Variants in SYT1 observed in about 807,000 individuals in gnomAD.
SYT1 encodes the protein synaptotagmin 1.
A neutral mutation model predicts 44.8 loss-of-function variants in SYT1; 8 were observed. The ratio of observed to expected loss-of-function variants is 0.18; its 90% CI spans 0.10 to 0.32. SYT1 has a LOEUF of 0.32. SYT1 is among the 10% of genes least tolerant of loss of function. The pLI is 1.00. For missense variants in SYT1, 286 were observed against 509.3 expected (o/e 0.56, Z 4.22); for synonymous variants, 154 against 188.8 (o/e 0.82, Z 1.51).
intron 3 of SYT1, among the ~76,000 whole-genome samples, chr12:79,175,121 T>A (rs1185130532): frequency 7.4e-6 from 1 of 135,494 alleles, no homozygotes; most frequent in Non-Finnish European, 1.7e-5. Context: ...CTGGGAAACA[T>A]GATTTAGCCT....
rs1344295187 is a variant in SYT1, at chr12:79,139,465, ACTT to A, written c.-17-78035_-17-78033del. On this transcript the variant is annotated intron_variant, in intron 3 of 10. Coordinates refer to ENST00000261205, the MANE Select transcript of SYT1 (RefSeq NM_005639.3). ...AATAGTTTTAGGAAGCACAAAATGAACTTCTGGTTCCTCTTAGGCTTATAAATA... is the reference window on the plus strand; with the variant it reads ...AATAGTTTTAGGAAGCACAAAATGAACTGGTTCCTCTTAGGCTTATAAATA... Among the ~76,000 whole-genome samples the A allele has an allele frequency of 4.6e-5, 7 of 152,224 alleles. No individual in the cohort carries two copies. In the East Asian group the frequency reaches 1.4e-3, roughly 29 times the overall value.
chr12:79,301,731 C>T (rs1880161578), intron 8 of SYT1, among the ~76,000 whole-genome samples: 1 of 152,066 alleles, frequency 6.6e-6, no homozygotes, highest in South Asian at 2.1e-4. Flanking sequence ...CTTTTTCTCA[C>T]CATTGCACTT....
chr12:79,324,505 C>T (rs1268238974), intron 8 of SYT1, among the ~76,000 whole-genome samples: 1 of 152,180 alleles, frequency 6.6e-6, no homozygotes, highest in Non-Finnish European at 1.5e-5. Flanking sequence ...TAACTTAGAT[C>T]CATCTGGTAA....
At chr12:78,945,172 T>A (rs1199544357) in intron 1 of SYT1, among the ~76,000 whole-genome samples, 6 of 152,164 alleles carry the variant, frequency 3.9e-5, no homozygotes, top group African/African-American at 1.4e-4. Flanking sequence ...AACACAGCAA[T>A]TCAGCTGTTT....
At chr12:79,185,368 G>T (rs1323996485) in intron 3 of SYT1, among the ~76,000 whole-genome samples, 1 of 151,572 alleles carries the variant, frequency 6.6e-6, no homozygotes, top group East Asian at 1.9e-4. Context: ...ACCTCCATCA[G>T]GCACTTTTAG....
At chr12:78,886,070 T>A (rs1874732455) in intron 1 of SYT1, among the ~76,000 whole-genome samples, 1 of 151,954 alleles carries the variant, frequency 6.6e-6, no homozygotes, top group African/African-American at 2.4e-5. Flanking sequence ...ATAACACTAA[T>A]TTTTTTAACA....
intron 1 of SYT1, among the ~76,000 whole-genome samples, chr12:78,937,448 G>T (rs1046433203): frequency 6.6e-6 from 1 of 152,062 alleles, no homozygotes; most frequent in Non-Finnish European, 1.5e-5. Context: ...CAGTGAGATT[G>T]CATAGAAGAG....
chr12:79,318,530 G>A (rs760571132), intron 8 of SYT1, among the ~76,000 whole-genome samples: 1 of 152,202 alleles, frequency 6.6e-6, no homozygotes, highest in African/African-American at 2.4e-5. Context: ...TGAGTGAAGC[G>A]AAAGGCCCCA....
In SYT1 at chr12:78,910,050, T is replaced by C. The variant is rs1018321466; in HGVS notation, c.-217+44941T>C. Reference sequence around the variant, plus strand: ...AGCCCCCAACCCTGTTGTTTCCTGCTTTATTCATGTACATCCAAGAATCAC... The same window carrying C: ...AGCCCCCAACCCTGTTGTTTCCTGCCTTATTCATGTACATCCAAGAATCAC... On this transcript the variant is annotated intron_variant, in intron 1 of 10. Transcript: ENST00000261205. Among the ~76,000 whole-genome samples the C allele has an allele frequency of 2.6e-5, 4 of 152,088 alleles. No individual in the cohort carries two copies. The South Asian group carries it at 6.2e-4, about 24-fold the overall frequency.
chr12:79,304,820 T>G (rs1392406572), intron 8 of SYT1, among the ~76,000 whole-genome samples: 1 of 151,976 alleles, frequency 6.6e-6, no homozygotes, highest in East Asian at 1.9e-4. Flanking sequence ...TAGTATTGAA[T>G]TATTTTATAG....
chr12:78,996,922 AC>A (rs1302416960), intron 2 of SYT1, among the ~76,000 whole-genome samples: 7 of 152,326 alleles, frequency 4.6e-5, no homozygotes, highest in Non-Finnish European at 8.8e-5. Flanking sequence ...AGTCATAGAA[AC>A]CATGTGAGCT....
intron 1 of SYT1, among the ~76,000 whole-genome samples, chr12:78,974,111 A>C (rs1332404326): frequency 6.6e-6 from 1 of 150,460 alleles, no homozygotes; most frequent in East Asian, 1.9e-4. Flanking sequence ...CTATATACAT[A>C]GGCTAGATGG....
chr12:79,219,450 C>T (rs1875019531), intron 4 of SYT1, among the ~76,000 whole-genome samples: 1 of 151,856 alleles, frequency 6.6e-6, no homozygotes, highest in South Asian at 2.1e-4. Flanking sequence ...AATTTTTATC[C>T]TGCATTTTAT....
At chr12:79,141,086 C>A (rs1869528559) in intron 3 of SYT1, among the ~76,000 whole-genome samples, 1 of 152,182 alleles carries the variant, frequency 6.6e-6, no homozygotes, top group African/African-American at 2.4e-5. Flanking sequence ...TGGAAACAAG[C>A]ATGTATGCCA....
Position 79,245,512 on chromosome 12 carries a change from A to AT in SYT1, c.166+27827_166+27828insT, listed in dbSNP as rs140121649. Among the ~76,000 whole-genome samples the AT allele has an allele frequency of 1.1e-3, 173 of 151,240 alleles. 2 individuals are homozygous for AT. In the East Asian group the frequency reaches 0.027, roughly 24 times the overall value. On this transcript the variant is annotated intron_variant, in intron 4 of 10. Coordinates refer to ENST00000261205, the MANE Select transcript of SYT1 (RefSeq NM_005639.3). ...AAAGAAAAGAAAAAAGAAAAAAAAA[A>AT]CTTCATTATGTATGTATTCGTGCAG...
intron 9 of SYT1, among the ~76,000 whole-genome samples, chr12:79,392,005 C>A (rs1593027045): frequency 6.6e-6 from 1 of 152,124 alleles, no homozygotes; most frequent in African/African-American, 2.4e-5. Flanking sequence ...CACATCCACA[C>A]CACATGAACA....
At chr12:79,110,178 TGAAG>T (rs1878934640) in intron 3 of SYT1, among the ~76,000 whole-genome samples, 1 of 152,184 alleles carries the variant, frequency 6.6e-6, no homozygotes, top group Non-Finnish European at 1.5e-5. Context: ...AATAGAAGAT[TGAAG>T]GAAGACCCTG....
chr12:79,017,851 C>A (rs1871909307), intron 2 of SYT1, among the ~76,000 whole-genome samples: 1 of 151,746 alleles, frequency 6.6e-6, no homozygotes. Flanking sequence ...AGCTAGCAGC[C>A]AAGAGTTTAG....
intron 2 of SYT1, among the ~76,000 whole-genome samples, chr12:78,997,238 G>A (rs976957860): frequency 6.6e-6 from 1 of 152,172 alleles, no homozygotes; most frequent in African/African-American, 2.4e-5. Flanking sequence ...CAAAAACATG[G>A]CCCGTGGGAA....
Sources: allele counts gnomAD v4.1 joint callset (sites outside exome capture counted in the v4.1 genomes callset), GRCh38; gene constraint gnomAD v4.1.1; transcripts MANE v1.5; gene names NCBI Gene and HGNC (gene_info 2026-07-23, HGNC 2026-07-21).